GALNTL6: variants seen among roughly 807,000 people sequenced by gnomAD.
The protein encoded by GALNTL6 is polypeptide N-acetylgalactosaminyltransferase-like 6.
Under a neutral mutation model 73.7 loss-of-function variants are expected in GALNTL6, and 46 were observed. That is an observed-to-expected ratio of 0.62 (90% confidence interval 0.49 to 0.80). The LOEUF is 0.80. Among genes scored for constraint, GALNTL6 ranks in the 30% least tolerant of loss-of-function variants. GALNTL6 has a pLI of 0.00. For synonymous variants in GALNTL6, 259 were observed against 263.7 expected (o/e 0.98, Z 0.17); for missense variants, 604 against 755.0 (o/e 0.80, Z 2.34).
intron 5 of GALNTL6, among the ~76,000 whole-genome samples, chr4:172,779,126 G>A (rs141607640): frequency 1.3e-3 from 195 of 152,214 alleles, no homozygotes; most frequent in African/African-American, 4.0e-3. Context: ...AGAGCCTACA[G>A]GGGTACCTAG....
At chr4:171,939,414 A>T (rs999722547) in intron 2 of GALNTL6, among the ~76,000 whole-genome samples, 1 of 152,036 alleles carries the variant, frequency 6.6e-6, no homozygotes, top group Admixed American at 6.6e-5. Flanking sequence ...CTTGCTGTAT[A>T]TACTAGCAAA....
At chr4:171,931,573 T>C (rs896607020) in intron 2 of GALNTL6, among the ~76,000 whole-genome samples, 6 of 152,238 alleles carry the variant, frequency 3.9e-5, no homozygotes, top group Admixed American at 2.6e-4. Context: ...TTTCCAACTA[T>C]TAACGACTAA....
rs1404300639 is a variant in GALNTL6, at chr4:172,177,813, G to GTGTGTGTATATATACACACACATATATA, written c.139-51837_139-51810dup. ...TGTATATATATACACACACATATAT[G>GTGTGTGTATATATACACACACATATATA]TGTGTGTATATATACACACACATAT... On this transcript the variant is annotated intron_variant, in intron 2 of 12. Coordinates refer to ENST00000506823, the MANE Select transcript of GALNTL6 (RefSeq NM_001034845.3). 3.3e-5 allele frequency among the ~76,000 whole-genome samples: 4 copies of GTGTGTGTATATATACACACACATATATA among 121,040 alleles called. No individual in the cohort carries two copies. In the South Asian group the frequency reaches 6.8e-4, roughly 21 times the overall value. 79.4% of individuals were successfully genotyped at this position (121,040 alleles called of 152,430 possible).
chr4:171,866,706 T>C (rs1432851978), intron 2 of GALNTL6, among the ~76,000 whole-genome samples: 2 of 152,204 alleles, frequency 1.3e-5, no homozygotes, highest in Non-Finnish European at 2.9e-5. Context: ...TCGGGTTCTG[T>C]TGAAGACACT....
intron 5 of GALNTL6, among the ~76,000 whole-genome samples, chr4:172,620,482 T>C (rs1173121266): frequency 6.6e-6 from 1 of 152,220 alleles, no homozygotes; most frequent in African/African-American, 2.4e-5. Context: ...TAGTGCTTTA[T>C]TTAGTAATCT....
At chr4:172,848,449 T>C (rs551919351) in intron 7 of GALNTL6, among the ~76,000 whole-genome samples, 8 of 152,216 alleles carry the variant, frequency 5.3e-5, no homozygotes, top group Admixed American at 1.3e-4. Flanking sequence ...GAGCTGCTAT[T>C]ATAGCCTCAA....
chr4:172,053,057 A>G (rs2110862698), intron 2 of GALNTL6, among the ~76,000 whole-genome samples: 1 of 152,320 alleles, frequency 6.6e-6, no homozygotes, highest in East Asian at 1.9e-4. Context: ...ATGCAGTGAC[A>G]TGTAAATAGG....
intron 5 of GALNTL6, among the ~76,000 whole-genome samples, chr4:172,798,666 G>T (rs767910932): frequency 2.6e-5 from 4 of 152,080 alleles, no homozygotes; most frequent in African/African-American, 4.8e-5. Context: ...TCTCCCAAAA[G>T]GTTACTTATC....
chr4:172,366,675 G>A (rs1052323067), intron 5 of GALNTL6, among the ~76,000 whole-genome samples: 5 of 152,132 alleles, frequency 3.3e-5, no homozygotes, highest in African/African-American at 1.2e-4. Flanking sequence ...CTACAGGTCT[G>A]TGTGAATAAT....
At chr4:172,333,648 T>C (rs1252554108) in intron 4 of GALNTL6, among the ~76,000 whole-genome samples, 1 of 152,162 alleles carries the variant, frequency 6.6e-6, no homozygotes, top group Non-Finnish European at 1.5e-5. Context: ...TTTCTGTTAA[T>C]TGTTTTCATT....
intron 2 of GALNTL6, among the ~76,000 whole-genome samples, chr4:172,091,759 G>A (rs1732208439): frequency 6.6e-6 from 1 of 152,092 alleles, no homozygotes. Context: ...TAGAGTGAAA[G>A]GTAAATGTTT....
chr4:172,839,491 AC>A (rs1743091045), intron 7 of GALNTL6, among the ~76,000 whole-genome samples: 1 of 152,238 alleles, frequency 6.6e-6, no homozygotes, highest in Admixed American at 6.5e-5. Context: ...AGTCATGGCC[AC>A]ATAGAGGTGT....
At chr4:172,606,664 T>C (rs1462073386) in intron 5 of GALNTL6, among the ~76,000 whole-genome samples, 4 of 29,234 alleles carry the variant, frequency 1.4e-4, no homozygotes, top group Non-Finnish European at 3.0e-4. Context: ...ATATATATAC[T>C]ATATATATAT....
chr4:172,083,674 T>G (rs552413891), intron 2 of GALNTL6, among the ~76,000 whole-genome samples: 2 of 152,258 alleles, frequency 1.3e-5, no homozygotes, highest in South Asian at 4.1e-4. Context: ...CTCATGACAT[T>G]CCTTATCCCT....
chr4:172,513,475 T>G (rs1734496094), intron 5 of GALNTL6, among the ~76,000 whole-genome samples: 1 of 152,198 alleles, frequency 6.6e-6, no homozygotes, highest in Non-Finnish European at 1.5e-5. Flanking sequence ...GGTGATCTTT[T>G]GGGGGTGTTA....
chr4:171,893,527 G>T (rs185425573), intron 2 of GALNTL6, among the ~76,000 whole-genome samples: 2 of 152,058 alleles, frequency 1.3e-5, no homozygotes, highest in African/African-American at 4.8e-5. Flanking sequence ...TTTTTGTCAC[G>T]TATTTTACAT....
intron 2 of GALNTL6, among the ~76,000 whole-genome samples, chr4:172,149,146 T>G (rs1300011164): frequency 6.6e-6 from 1 of 152,240 alleles, no homozygotes; most frequent in Non-Finnish European, 1.5e-5. Context: ...AACTGTTTAT[T>G]GTAAGAAGTT....
intron 5 of GALNTL6, among the ~76,000 whole-genome samples, chr4:172,730,977 G>A (rs1045966378): frequency 6.6e-6 from 1 of 151,890 alleles, no homozygotes; most frequent in African/African-American, 2.4e-5. Flanking sequence ...CTACTTGGGA[G>A]GCTGAGGCAG....
intron 3 of GALNTL6, among the ~76,000 whole-genome samples, chr4:172,278,125 A>G (rs930680834): frequency 2.0e-5 from 3 of 152,134 alleles, no homozygotes; most frequent in African/African-American, 7.2e-5. Flanking sequence ...ATTGCAGATG[A>G]GAATTTTATC....
Sources: allele counts gnomAD v4.1 joint callset (sites outside exome capture counted in the v4.1 genomes callset), GRCh38; gene constraint gnomAD v4.1.1; transcripts MANE v1.5; gene names NCBI Gene and HGNC (gene_info 2026-07-23, HGNC 2026-07-21).